Variants in PTPRD observed in about 807,000 individuals in gnomAD.
PTPRD encodes the protein receptor-type tyrosine-protein phosphatase delta.
PTPRD carries 34 observed loss-of-function variants against 214.5 expected under a neutral mutation model. The ratio of observed to expected loss-of-function variants is 0.16; its 90% CI spans 0.12 to 0.21. The LOEUF is 0.21. Ranked by LOEUF, PTPRD falls within the 10% of genes least tolerant of loss-of-function variation. The pLI is 1.00. For missense variants in PTPRD, 2,545 were observed against 2,398.7 expected (o/e 1.06, Z -1.27); for synonymous variants, 1,128 against 845.7 (o/e 1.33, Z -5.79).
intron 3 of PTPRD, among the ~76,000 whole-genome samples, chr9:10,104,820 C>T (rs940603718): frequency 3.3e-5 from 5 of 151,812 alleles, no homozygotes; most frequent in African/African-American, 1.2e-4. Flanking sequence ...TAAGAAGCAA[C>T]AGCTTTATAC....
intron 2 of PTPRD, among the ~76,000 whole-genome samples, chr9:10,430,026 T>A (rs948505521): frequency 6.6e-6 from 1 of 151,992 alleles, no homozygotes; most frequent in Non-Finnish European, 1.5e-5. Flanking sequence ...TATTTGGTAC[T>A]CTTTATAAAC....
At chr9:8,599,102 C>T (rs377639028) in intron 14 of PTPRD, among the ~76,000 whole-genome samples, 2 of 152,194 alleles carry the variant, frequency 1.3e-5, no homozygotes, top group African/African-American at 2.4e-5. Flanking sequence ...AGACTTAATA[C>T]GTCTCATGAG....
At chr9:10,452,034 T>C (rs2070251308) in intron 2 of PTPRD, among the ~76,000 whole-genome samples, 2 of 152,024 alleles carry the variant, frequency 1.3e-5, no homozygotes, top group African/African-American at 4.8e-5. Context: ...ACACTTCTTA[T>C]TTATATCCTT....
At chr9:9,575,303 A>G (rs1379934846) in intron 7 of PTPRD, among the ~76,000 whole-genome samples, 2 of 152,164 alleles carry the variant, frequency 1.3e-5, no homozygotes, top group Admixed American at 6.6e-5. Context: ...ACAGTACTCC[A>G]TCGTTCACTG....
At chr9:9,795,526 T>C (rs1307237753) in intron 5 of PTPRD, among the ~76,000 whole-genome samples, 2 of 152,178 alleles carry the variant, frequency 1.3e-5, no homozygotes, top group Admixed American at 1.3e-4. Flanking sequence ...AGTATAAGCA[T>C]AGTATTGTGT....
chr9:9,818,981 C>A (rs1277482655), intron 5 of PTPRD, among the ~76,000 whole-genome samples: 1 of 149,192 alleles, frequency 6.7e-6, no homozygotes, highest in African/African-American at 2.5e-5. Context: ...TAATAGCTGA[C>A]AAAGATTTAT....
intron 3 of PTPRD, among the ~76,000 whole-genome samples, chr9:10,259,990 G>C (rs2093587779): frequency 6.6e-6 from 1 of 152,178 alleles, no homozygotes; most frequent in South Asian, 2.1e-4. Flanking sequence ...CTCAGGTTCT[G>C]AGACAGTCCA....
intron 5 of PTPRD, among the ~76,000 whole-genome samples, chr9:9,781,682 C>T (rs2098843895): frequency 6.6e-6 from 1 of 152,104 alleles, no homozygotes; most frequent in African/African-American, 2.4e-5. Flanking sequence ...ATGAACTTTA[C>T]AACTTTCTCG....
At chr9:10,005,714 C>T (rs1372541360) in intron 4 of PTPRD, among the ~76,000 whole-genome samples, 1 of 151,982 alleles carries the variant, frequency 6.6e-6, no homozygotes, top group African/African-American at 2.4e-5. Flanking sequence ...GGAAAGGTAC[C>T]TCGTAATATA....
chr9:9,599,180 G>C (rs938342340), intron 7 of PTPRD, among the ~76,000 whole-genome samples: 2 of 151,972 alleles, frequency 1.3e-5, no homozygotes, highest in Admixed American at 6.6e-5. Flanking sequence ...CATTATATGA[G>C]TGCTTTACAT....
chr9:9,627,861 A>T (rs2095471956), intron 7 of PTPRD, among the ~76,000 whole-genome samples: 2 of 152,240 alleles, frequency 1.3e-5, no homozygotes, highest in Non-Finnish European at 2.9e-5. Context: ...GCTGAGAAAC[A>T]GCAGGGTATA....
At chr9:8,408,817 C>G (rs575851660) in intron 35 of PTPRD, among the ~76,000 whole-genome samples, 1 of 152,134 alleles carries the variant, frequency 6.6e-6, no homozygotes, top group Admixed American at 6.6e-5. Flanking sequence ...AACAACAGAT[C>G]TTCAACTCAA....
chr9:9,845,541 A>G (rs1361579666), intron 5 of PTPRD, among the ~76,000 whole-genome samples: 2 of 151,826 alleles, frequency 1.3e-5, no homozygotes, highest in Non-Finnish European at 2.9e-5. Context: ...GCTGTTTTCA[A>G]TACCTAAGGA....
Position 10,031,647 on chromosome 9 carries a change from T to TATATATATATACACACACAC in PTPRD, c.-472+2070_-472+2071insGTGTGTGTGTATATATATAT. 1.3e-4 allele frequency among the ~76,000 whole-genome samples: 12 copies of TATATATATATACACACACAC among 89,642 alleles called. No individual in the cohort carries two copies. In the East Asian group the frequency reaches 1.9e-3, roughly 14 times the overall value. The allele number at this position is 89,642 out of a possible 152,430, so 58.8% of individuals were successfully genotyped here. A position where few individuals can be genotyped will look rare whatever the true frequency, so the allele number is the denominator to read the frequency against. The stretch of plus-strand genomic sequence containing the variant: ...CTCCATATATATATATATATATATA[T>TATATATATATACACACACAC]ACACACACACACACACACATACACA... On this transcript the variant is annotated intron_variant, in intron 4 of 45. Transcript: ENST00000381196.
intron 7 of PTPRD, among the ~76,000 whole-genome samples, chr9:9,710,176 AC>A (rs2097698935): frequency 2.0e-5 from 3 of 152,140 alleles, no homozygotes; most frequent in African/African-American, 4.8e-5. Context: ...ATCATTTGTT[AC>A]AAAATTATAA....
intron 14 of PTPRD, among the ~76,000 whole-genome samples, chr9:8,587,360 C>T (rs1343637255): frequency 6.6e-6 from 1 of 152,126 alleles, no homozygotes; most frequent in Non-Finnish European, 1.5e-5. Context: ...ACCTCTGTAA[C>T]AGTACAAAAA....
At chr9:9,538,468 A>G (rs920054008) in intron 8 of PTPRD, among the ~76,000 whole-genome samples, 11 of 152,000 alleles carry the variant, frequency 7.2e-5, no homozygotes, top group Non-Finnish European at 1.2e-4. Context: ...ATTTTAGTGG[A>G]TTGGCTCTAC....
intron 39 of PTPRD, among the ~76,000 whole-genome samples, chr9:8,350,668 C>T (rs1010380364): frequency 5.9e-5 from 9 of 152,050 alleles, no homozygotes; most frequent in Non-Finnish European, 1.3e-4. Flanking sequence ...AAAAAACAGA[C>T]CCACAGATAG....
intron 2 of PTPRD, among the ~76,000 whole-genome samples, chr9:10,346,951 C>A (rs2097095140): frequency 6.6e-6 from 1 of 152,076 alleles, no homozygotes; most frequent in Non-Finnish European, 1.5e-5. Context: ...TTATGAGCTG[C>A]ATAATTATGA....
Sources: gnomAD v4.1 joint callset for allele counts (sites outside exome capture counted in the v4.1 genomes callset) on GRCh38, gnomAD v4.1.1 for gene constraint, MANE v1.5 for transcripts, NCBI Gene and HGNC (gene_info 2026-07-23, HGNC 2026-07-21) for gene names.